The following DMXL1 variants were observed in gnomAD, a reference collection of about 807,000 sequenced individuals.
DMXL1 encodes the protein Dmx like 1.
A neutral mutation model predicts 319.2 loss-of-function variants in DMXL1; 99 were observed. The ratio of observed to expected loss-of-function variants is 0.31; its 90% CI spans 0.26 to 0.37. DMXL1 has a LOEUF of 0.37. Ranked by LOEUF, DMXL1 falls within the 10% of genes least tolerant of loss-of-function variation. DMXL1 has a pLI of 1.00. For missense variants in DMXL1, 3,745 were observed against 3,595.6 expected (o/e 1.04, Z -1.06); for synonymous variants, 1,385 against 1,235.2 (o/e 1.12, Z -2.54).
chr5:119,200,696 C>G (rs973737199), intron 32 of DMXL1, among the ~76,000 whole-genome samples: 1 of 152,180 alleles, frequency 6.6e-6, no homozygotes, highest in Non-Finnish European at 1.5e-5. Flanking sequence ...TTCTTCTTCT[C>G]CATGAACATG....
At chr5:119,202,885 T>TATATATATATATATATATATATATTTA (rs1554139437) in intron 32 of DMXL1, among the ~76,000 whole-genome samples, 3 of 130,790 alleles carry the variant, frequency 2.3e-5, no homozygotes, top group African/African-American at 6.0e-5. Context: ...ATATATATTT[T>TATATATATATATATATATATATATTTA]TATATATATA....
chr5:119,137,980 G>A lies in DMXL1; in HGVS notation c.2376+3591G>A, dbSNP rs148630960. 1.9e-3 allele frequency among the ~76,000 whole-genome samples: 296 copies of A among 152,240 alleles called. 4 individuals carry two copies. In the South Asian group the frequency reaches 0.05, roughly 26 times the overall value. ...CTGATAGGCCATTGTGGTAACTTCA[G>A]GTTTTACTCTGAATAACATGGAAAC... On this transcript the variant is annotated intron_variant, in intron 13 of 43. Transcript: ENST00000539542.
intron 7 of DMXL1, among the ~76,000 whole-genome samples, chr5:119,116,694 G>A (rs1333625088): frequency 6.6e-6 from 1 of 152,028 alleles, no homozygotes. Flanking sequence ...CTGTCGTCTT[G>A]TACCTTCTAG....
chr5:119,149,273 A>G lies in DMXL1; in HGVS notation c.3446A>G (p.Asp1149Gly), dbSNP rs2150136769. 6.2e-7 allele frequency: 1 copy of G among 1,613,956 alleles called. No homozygotes were observed. Among genetic ancestry groups the G allele is most frequent in the East Asian group, 2.2e-5 (1 of 44,878 alleles). The change falls in exon 18 of 44, where the codon GAC (aspartate) becomes GGC (glycine). Residue 1149 changes from aspartate (D) to glycine (G), a missense_variant. Around this residue, in one of 4 missense-constraint regions of DMXL1, gnomAD observed 2,096 missense variants for 1,985.4 expected, o/e 1.06. Transcript: ENST00000539542. ...LVHLDWMSRE[D>G]GSHILTVGIG... ...CACTTAGATTGGATGTCTAGAGAAG[A>G]CGGTTCTCATATCCTGACTGTAGGA...
chr5:119,177,792 A>G (rs1177613253), intron 27 of DMXL1, among the ~76,000 whole-genome samples: 1 of 152,166 alleles, frequency 6.6e-6, no homozygotes, highest in Admixed American at 6.5e-5. Flanking sequence ...TTAATGTTTA[A>G]TATTAAAGAT....
At chr5:119,121,288 ATTAT>A (rs1305686001) in intron 9 of DMXL1, 149 bp downstream of exon 9, 3 of 585,414 alleles carry the variant, frequency 5.1e-6, no homozygotes, top group East Asian at 6.8e-5. Context: ...TTTTTAATTT[ATTAT>A]TTATTTTTAT....
intron 23 of DMXL1, 26 bp from the exon 24 acceptor site, chr5:119,170,164 G>A: frequency 1.3e-6 from 2 of 1,565,172 alleles, no homozygotes; most frequent in East Asian, 4.5e-5. Context: ...AACTTTTCTT[G>A]GCTCATAAAA....
rs746977694 is a variant in DMXL1 at position 119,097,987 on chromosome 5, A to C, written c.96A>C (p.Ala32=). The C allele has an allele frequency of 6.2e-7, 1 of 1,606,036 alleles. No homozygotes were observed. The highest frequency in any genetic ancestry group is 8.5e-7 in the Non-Finnish European group (1 of 1,177,110). ...SIGDQRFTAY[A]SGCDIVILGS... ...TTTATTTATTTTTTTAGGCTTATGC[A>C]TCTGGATGTGACATTGTAATACTGG... Residue 32 remains alanine (A), a synonymous_variant, in exon 2 of 44, where the codon GCA becomes GCC. Coordinates refer to ENST00000539542, the MANE Select transcript of DMXL1 (RefSeq NM_001290321.3).
At chr5:119,225,846 G>T (rs1314038307) in intron 38 of DMXL1, among the ~76,000 whole-genome samples, 2 of 152,088 alleles carry the variant, frequency 1.3e-5, no homozygotes, top group East Asian at 1.9e-4. Context: ...CAAGTTTAAT[G>T]TCAGGTGAGA....
At chr5:119,146,103 A>T (rs1768465821) in intron 15 of DMXL1, among the ~76,000 whole-genome samples, 1 of 151,844 alleles carries the variant, frequency 6.6e-6, no homozygotes, top group African/African-American at 2.4e-5. Flanking sequence ...TTGCTATGCA[A>T]ATTTATAAAA....
chr5:119,216,871 C>G, intron 34 of DMXL1, 30 bp from the exon 35 acceptor site: 1 of 1,221,610 alleles, frequency 8.2e-7, no homozygotes, highest in Non-Finnish European at 1.2e-6. Context: ...AAAATCAGTG[C>G]ATTTTTGTGT....
chr5:119,157,715 A>AC (rs1771419428), intron 19 of DMXL1, among the ~76,000 whole-genome samples: 1 of 152,026 alleles, frequency 6.6e-6, no homozygotes, highest in South Asian at 2.1e-4. Context: ...TATTTTGGTT[A>AC]CCCTAGCTTT....
At position 119,107,905 on chromosome 5, in the gene DMXL1, C is replaced by T. The variant is rs570788335; in HGVS notation, c.365-2246C>T. ...GTGCATATTATATAGCTAATCCTTA[C>T]AACAACTGTATTTAAACCTCAAATT... On this transcript the variant is annotated intron_variant, in intron 4 of 43. Coordinates refer to ENST00000539542, the MANE Select transcript of DMXL1 (RefSeq NM_001290321.3). Among the ~76,000 whole-genome samples, 12 of 152,252 alleles carry T rather than the reference C, an allele frequency of 7.9e-5. No individual in the cohort carries two copies. The South Asian group carries it at 2.1e-3, about 26-fold the overall frequency.
In DMXL1 at chr5:119,071,117, G is replaced by A. The variant is rs539228945; in HGVS notation, c.-453G>A. ...CGCGTAGTGAGTGGCGGAGGACTGTGGGGGTGGCGGGCACCGGAGCCGGGA... is the reference window on the plus strand; with the variant it reads ...CGCGTAGTGAGTGGCGGAGGACTGTAGGGGTGGCGGGCACCGGAGCCGGGA... On this transcript the variant is annotated 5_prime_UTR_variant, in exon 1 of 44. Transcript: ENST00000539542. 26 of 188,994 alleles carry A rather than the reference G, an allele frequency of 1.4e-4. No homozygotes were observed. The highest frequency in any genetic ancestry group is 5.5e-4 in the African/African-American group (23 of 41,814). 11.7% of individuals were successfully genotyped at this position (188,994 alleles called of 1,614,324 possible).
intron 8 of DMXL1, 109 bp from the exon 9 acceptor site, chr5:119,120,860 CAT>C: frequency 2.4e-6 from 2 of 848,660 alleles, no homozygotes; most frequent in Non-Finnish European, 3.4e-6. Flanking sequence ...ACATATAAAA[CAT>C]GTAAAATGTT....
chr5:119,112,204 G>A (rs889439199), intron 5 of DMXL1, among the ~76,000 whole-genome samples: 51 of 152,098 alleles, frequency 3.4e-4, no homozygotes, highest in African/African-American at 1.2e-3. Flanking sequence ...CTCGTGATCT[G>A]CCTGCCTCAG....
intron 37 of DMXL1, 64 bp downstream of exon 37, chr5:119,221,145 G>A: frequency 4.3e-6 from 5 of 1,163,112 alleles, no homozygotes; most frequent in Non-Finnish European, 1.2e-6. Context: ...TAGGTTAATG[G>A]ATAAAGGATG....
Position 119,221,064 on chromosome 5 carries a change from G to T in DMXL1, c.8260G>T (p.Gly2754Cys). Residue 2754 changes from glycine (G) to cysteine (C), a missense_variant, in exon 37 of 44, where the codon GGC (glycine) becomes TGC (cysteine). Physicochemically the swap from Gly to Cys is radical, Grantham distance 159 (BLOSUM62 -3). Transcript: ENST00000539542. ...GCCATGGCTTGGTAGTACACAGACT[G>T]GCAGAGGAGCATCTGTGGTATGTAA... ...NMPWLGSTQT[G>C]RGASVMIKKA... The T allele has an allele frequency of 6.2e-7, 1 of 1,611,100 alleles. No individual in the cohort carries two copies. The highest frequency in any genetic ancestry group is 8.5e-7 in the Non-Finnish European group (1 of 1,178,632).
chr5:119,185,466 A>G (rs1206442052), intron 28 of DMXL1, among the ~76,000 whole-genome samples: 1 of 152,126 alleles, frequency 6.6e-6, no homozygotes, highest in Non-Finnish European at 1.5e-5. Flanking sequence ...CAGTCTTTCT[A>G]AAAGCTGGAT....
Sources: allele counts gnomAD v4.1 joint callset (sites outside exome capture counted in the v4.1 genomes callset), GRCh38; gene constraint gnomAD v4.1.1; regional missense constraint gnomAD v4.1.1; transcripts MANE v1.5; gene names NCBI Gene and HGNC (gene_info 2026-07-23, HGNC 2026-07-21).